The following ADH7 variants were observed in gnomAD, a reference collection of about 807,000 sequenced individuals.
ADH7 encodes the protein alcohol dehydrogenase 7 (class IV), mu or sigma polypeptide.
A neutral mutation model predicts 34.4 loss-of-function variants in ADH7; 41 were observed. The ratio of observed to expected loss-of-function variants is 1.19; its 90% CI spans 0.93 to 1.55. ADH7 has a LOEUF of 1.55. Among genes scored for constraint, ADH7 ranks in the 40% most tolerant of loss-of-function variants. The pLI is 0.00. For missense variants in ADH7, 540 were observed against 461.2 expected, an observed-to-expected ratio of 1.17 and a Z score of -1.56; for synonymous variants, 180 against 160.9, an observed-to-expected ratio of 1.12 and a Z score of -0.90.
At chr4:99,419,582 C>T (rs1403027328) in intron 6 of ADH7, among the ~76,000 whole-genome samples, 1 of 152,000 alleles carries the variant, frequency 6.6e-6, no homozygotes, top group Non-Finnish European at 1.5e-5. Context: ...ACTAACCTCA[C>T]ATTTTCTGGT....
intron 6 of ADH7, 38 bp downstream of exon 6, chr4:99,420,495 C>A (rs764681379): frequency 1.1e-5 from 18 of 1,597,298 alleles, no homozygotes; most frequent in Non-Finnish European, 1.5e-5. Flanking sequence ...TGTCTAATAA[C>A]TTGGGTATTT....
intron 2 of ADH7, 71 bp from the exon 3 acceptor site, chr4:99,428,701 T>A (rs1721874186): frequency 5.9e-6 from 9 of 1,519,794 alleles, no homozygotes; most frequent in Non-Finnish European, 8.0e-6. Flanking sequence ...AATATTTAAC[T>A]TCTTGAAGAA....
At chr4:99,434,895 TG>T in intron 1 of ADH7, 1 of 735,174 alleles carries the variant, frequency 1.4e-6, no homozygotes, top group Non-Finnish European at 2.3e-6. Flanking sequence ...AGTGTCCTTG[TG>T]GAAACATTTG....
At chr4:99,414,040 G>A (rs1370063724) in intron 8 of ADH7, among the ~76,000 whole-genome samples, 4 of 152,160 alleles carry the variant, frequency 2.6e-5, no homozygotes, top group Non-Finnish European at 5.9e-5. Flanking sequence ...GTTTACAAAT[G>A]TTAGTTTGGA....
intron 7 of ADH7, among the ~76,000 whole-genome samples, chr4:99,418,513 G>T (rs985424111): frequency 2.6e-5 from 4 of 152,286 alleles, no homozygotes; most frequent in African/African-American, 7.2e-5. Context: ...ATTAATTGTT[G>T]AGTGATAATC....
chr4:99,428,280 A>T (rs1721860438), intron 3 of ADH7, 106 bp from the exon 4 acceptor site: 1 of 1,291,616 alleles, frequency 7.7e-7, no homozygotes, highest in Non-Finnish European at 1.1e-6. Context: ...TTAAAAATAT[A>T]TTCTAAGGTT....
In ADH7 at chr4:99,423,879, T is replaced by G. The variant is rs577779360; in HGVS notation, c.565-3086A>C. On this transcript the variant is annotated intron_variant, in intron 5 of 8. Coordinates refer to ENST00000437033, the MANE Select transcript of ADH7 (RefSeq NM_000673.7). ...TTTTGCTGTGCAGAAGCTCTTTAGT[T>G]TAATTAGATCCCATTTGTCAATTTT... is the stretch of plus-strand genomic sequence containing the variant. Among the ~76,000 whole-genome samples the G allele has an allele frequency of 1.4e-4, 22 of 152,254 alleles. No individual in the cohort carries two copies. In the South Asian group the frequency reaches 4.6e-3, roughly 32 times the overall value.
intron 2 of ADH7, among the ~76,000 whole-genome samples, 180 bp downstream of exon 2, chr4:99,429,352 C>T (rs1721886998): frequency 6.6e-6 from 1 of 152,100 alleles, no homozygotes; most frequent in African/African-American, 2.4e-5. Context: ...GGATAATGAA[C>T]TCATTAATTT....
chr4:99,430,807 TA>T (rs1000468492), intron 1 of ADH7, among the ~76,000 whole-genome samples: 8 of 152,266 alleles, frequency 5.3e-5, no homozygotes, highest in African/African-American at 1.4e-4. Flanking sequence ...ATTTTTTTAT[TA>T]TTTTTTTTTA....
chr4:99,415,315 A>T, intron 8 of ADH7, 163 bp downstream of exon 8: 1 of 763,166 alleles, frequency 1.3e-6, no homozygotes, highest in Non-Finnish European at 2.1e-6. Flanking sequence ...TAGTAGTATG[A>T]AAATACACTA....
At chr4:99,419,991 G>A (rs956584164) in intron 6 of ADH7, among the ~76,000 whole-genome samples, 1 of 152,126 alleles carries the variant, frequency 6.6e-6, no homozygotes, top group African/African-American at 2.4e-5. Context: ...AGGTCTAACT[G>A]AAGGTCTGGT....
Position 99,434,551 on chromosome 4 carries a change from A to T in ADH7, c.18+665T>A, listed in dbSNP as rs1722005076. Among the ~76,000 whole-genome samples the T allele has an allele frequency of 2.0e-5, 3 of 152,144 alleles. No individual in the cohort carries two copies. The South Asian group carries it at 6.2e-4, about 32-fold the overall frequency. The stretch of plus-strand genomic sequence containing the variant: ...AATTATGTACCCATTTAAAGTAAGG[A>T]AATATACTGACCTATTTTCAAATAA... On this transcript the variant is annotated intron_variant, in intron 1 of 8. Coordinates refer to ENST00000437033, the MANE Select transcript of ADH7 (RefSeq NM_000673.7).
intron 5 of ADH7, among the ~76,000 whole-genome samples, chr4:99,424,951 G>A (rs1168958312): frequency 6.6e-6 from 1 of 151,994 alleles, no homozygotes; most frequent in Non-Finnish European, 1.5e-5. Flanking sequence ...CCTGTCTTGT[G>A]CCACTTTTCA....
chr4:99,428,603 C>G lies in ADH7; in HGVS notation c.148G>C (p.Asp50His), dbSNP rs144056529. Residue 50 changes from aspartate (D) to histidine (H), a missense_variant, in exon 3 of 9, where the codon GAT becomes CAT. By Grantham distance (81) the Asp-to-His change is moderately conservative (BLOSUM62 -1). Transcript: ENST00000437033. The part of the protein sequence containing the change: ...KILATGICRT[D>H]DHVIKGTMVS... ...ATTGTTCCTTTTATCACATGGTCATCTGTGCGACAGATTCCTGTGGCCAAA... is the reference window on the plus strand; with the variant it reads ...ATTGTTCCTTTTATCACATGGTCATGTGTGCGACAGATTCCTGTGGCCAAA... The G allele has an allele frequency of 6.2e-7, 1 of 1,613,594 alleles. No homozygotes were observed. The highest frequency in any genetic ancestry group is 1.3e-5 in the African/African-American group (1 of 74,928).
chr4:99,414,257 A>C (rs1305933504), intron 8 of ADH7, among the ~76,000 whole-genome samples: 1 of 152,212 alleles, frequency 6.6e-6, no homozygotes, highest in African/African-American at 2.4e-5. Context: ...TGTTCATAAT[A>C]TGATGATCCT....
chr4:99,429,598 C>A lies in ADH7; in HGVS notation c.54G>T (p.Gln18His). 1 of 1,611,940 alleles carries A rather than the reference C, an allele frequency of 6.2e-7. No individual in the cohort carries two copies. The highest frequency in any genetic ancestry group is 1.1e-5 in the South Asian group (1 of 90,630). ...TTTCCTCAATGGAGAAGGGTTGCTT[C>A]TGCTCCCAAAGCACAGCTGCTTTGC... is the stretch of plus-strand genomic sequence containing the variant. ...IKCKAAVLWE[Q>H]KQPFSIEEIE... Residue 18 changes from glutamine to histidine, a missense_variant, in exon 2 of 9, where the codon CAG becomes CAT. Coordinates refer to ENST00000437033, the MANE Select transcript of ADH7 (RefSeq NM_000673.7).
chr4:99,431,240 T>G (rs1445651404), intron 1 of ADH7, among the ~76,000 whole-genome samples: 2 of 152,172 alleles, frequency 1.3e-5, no homozygotes, highest in Non-Finnish European at 2.9e-5. Flanking sequence ...ATGCTCTACT[T>G]AATAAATGGT....
chr4:99,435,156 T>A, intron 1 of ADH7, 60 bp downstream of exon 1: 4 of 1,592,704 alleles, frequency 2.5e-6, no homozygotes, highest in Non-Finnish European at 3.4e-6. Flanking sequence ...TTCAAAGTTC[T>A]AAGTATCAGC....
At chr4:99,429,848 A>G (rs888170002) in intron 1 of ADH7, among the ~76,000 whole-genome samples, 6 of 152,170 alleles carry the variant, frequency 3.9e-5, no homozygotes, top group Non-Finnish European at 8.8e-5. Context: ...TAAATGATGG[A>G]TCCATGGTCA....
Sources: gnomAD v4.1 joint callset for allele counts (sites outside exome capture counted in the v4.1 genomes callset) on GRCh38, gnomAD v4.1.1 for gene constraint, MANE v1.5 for transcripts, NCBI Gene and HGNC (gene_info 2026-07-23, HGNC 2026-07-21) for gene names.